The following FYB2 variants were observed in gnomAD, a reference collection of about 807,000 sequenced individuals.
FYB2 encodes FYN binding protein 2.
In FYB2, 103 loss-of-function variants were observed where a neutral mutation model predicts 94.1. The observed-to-expected ratio is 1.09, with a 90% CI of 0.93 to 1.29. FYB2 has a LOEUF of 1.29. FYB2 is among the 50% of genes most tolerant of loss of function. FYB2 has a pLI of 0.00. For synonymous variants in FYB2, 293 were observed against 287.9 expected (o/e 1.02, Z -0.18); for missense variants, 896 against 841.5 (o/e 1.06, Z -0.80).
intron 8 of FYB2, among the ~76,000 whole-genome samples, chr1:56,753,174 G>A (rs1645241306): frequency 6.6e-6 from 1 of 152,008 alleles, no homozygotes; most frequent in African/African-American, 2.4e-5. Flanking sequence ...ATCTCAAACA[G>A]GTATCTAATG....
In FYB2 at chr1:56,767,810, A is replaced by ATTGGCTATTAATTATTAT. The variant is rs1313502066; in HGVS notation, c.1063+18_1063+19insATAATAATTAATAGCCAA. The ATTGGCTATTAATTATTAT allele has an allele frequency of 1.3e-6, 2 of 1,534,392 alleles. No individual in the cohort carries two copies. The highest frequency in any genetic ancestry group is 2.3e-5 in the South Asian group (2 of 87,260). On this transcript the variant is annotated intron_variant, in intron 5 of 19. Coordinates refer to ENST00000343433, the MANE Select transcript of FYB2 (RefSeq NM_001004303.5). ...CATTCCACACAGGGTTACACTATTA[A>ATTGGCTATTAATTATTAT]TTGGCTTAGCAGACTTACGATCAGC...
At chr1:56,823,471 A>C (rs1299296875), upstream of FYB2, among the ~76,000 whole-genome samples, 3 of 152,228 alleles carry the variant, frequency 2.0e-5, no homozygotes, top group African/African-American at 4.8e-5. Flanking sequence ...GCCTAGAATT[A>C]TCTTGGAGGT....
the FYB2 span, among the ~76,000 whole-genome samples, chr1:56,826,171 G>A: frequency 2.0e-5 from 3 of 152,192 alleles, no homozygotes; most frequent in African/African-American, 7.2e-5. Context: ...AATCAATGTG[G>A]TTCCCTCATT....
chr1:56,820,840 T>C (rs1225433502), upstream of FYB2, among the ~76,000 whole-genome samples: 1 of 152,192 alleles, frequency 6.6e-6, no homozygotes, highest in Non-Finnish European at 1.5e-5. Flanking sequence ...ACACATCAGC[T>C]AAAAGAAAAA....
chr1:56,761,034 A>T (rs1349102550), intron 5 of FYB2, among the ~76,000 whole-genome samples: 1 of 152,092 alleles, frequency 6.6e-6, no homozygotes, highest in Non-Finnish European at 1.5e-5. Flanking sequence ...GATTAGTTTT[A>T]TTGTGCAGGC....
intron 4 of FYB2, among the ~76,000 whole-genome samples, chr1:56,772,659 C>T (rs1645785617): frequency 6.6e-6 from 1 of 152,120 alleles, no homozygotes; most frequent in Non-Finnish European, 1.5e-5. Flanking sequence ...AACATGGGGT[C>T]AGACAGATTT....
At chr1:56,722,561 C>T (rs1644506671) in intron 17 of FYB2, among the ~76,000 whole-genome samples, 1 of 151,988 alleles carries the variant, frequency 6.6e-6, no homozygotes, top group Admixed American at 6.6e-5. Flanking sequence ...ACGAGCTAGT[C>T]AGATACAGAA....
At chr1:56,754,971 C>A (rs1195642660) in intron 7 of FYB2, among the ~76,000 whole-genome samples, 1 of 152,016 alleles carries the variant, frequency 6.6e-6, no homozygotes, top group East Asian at 1.9e-4. Context: ...AGGAAGGTAG[C>A]CCATCCAGCT....
Position 56,792,595 on chromosome 1 carries a change from G to T in FYB2, c.218C>A (p.Pro73His). The part of the protein sequence containing the change: ...TPYCSSSESQ[P>H]LQPQKIKLAQ... ...CAACTTTATTTTCTGAGGTTGAAGA[G>T]GCTGGGACTCACTACTGGAACAGTA... The change falls in exon 2 of 20, where the codon CCT becomes CAT. Residue 73 changes from proline (P) to histidine (H), a missense_variant. By Grantham distance (77) the Pro-to-His change is moderately conservative. Transcript: ENST00000343433. 6.2e-7 allele frequency: 1 copy of T among 1,614,092 alleles called. No individual in the cohort carries two copies. Among genetic ancestry groups the T allele is most frequent in the Non-Finnish European group, 8.5e-7 (1 of 1,180,014 alleles).
intron 1 of FYB2, among the ~76,000 whole-genome samples, chr1:56,810,605 G>A (rs115587256): frequency 6.6e-6 from 1 of 152,174 alleles, no homozygotes; most frequent in Non-Finnish European, 1.5e-5. Context: ...TAAATAAAGG[G>A]CTAAGGAAAC....
rs376934495 is a variant in FYB2 at position 56,737,073 on chromosome 1, G to A, written c.1793+14C>T. 3 of 1,573,588 alleles carry A rather than the reference G, an allele frequency of 1.9e-6. No individual in the cohort carries two copies. In the African/African-American group the frequency reaches 4.1e-5, roughly 21 times the overall value. ...AAATATCAGCAGGGATGACCAATAA[G>A]GTAAATTACTTACTTTGACTCTTTT... On this transcript the variant is annotated intron_variant, in intron 15 of 19. Transcript: ENST00000343433.
At chr1:56,730,753 T>C (rs926141384) in intron 15 of FYB2, among the ~76,000 whole-genome samples, 4 of 152,062 alleles carry the variant, frequency 2.6e-5, no homozygotes, top group Non-Finnish European at 4.4e-5. Context: ...TTCCAAAACA[T>C]TGAAGCAGAA....
the FYB2 span, among the ~76,000 whole-genome samples, chr1:56,826,167 T>C: frequency 6.6e-5 from 10 of 152,212 alleles, no homozygotes; most frequent in Non-Finnish European, 1.2e-4. Flanking sequence ...CTTCAATCAA[T>C]GTGGTTCCCT....
chr1:56,748,514 T>G (rs1418322834), intron 9 of FYB2, among the ~76,000 whole-genome samples: 1 of 151,956 alleles, frequency 6.6e-6, no homozygotes, highest in Non-Finnish European at 1.5e-5. Flanking sequence ...ATCCTTTCCT[T>G]ATTGCTTGTT....
intron 15 of FYB2, among the ~76,000 whole-genome samples, chr1:56,734,674 G>T (rs1190694783): frequency 1.3e-5 from 2 of 152,030 alleles, no homozygotes. Context: ...GCGGTGAGGG[G>T]CTGGGGGAGG....
intron 1 of FYB2, among the ~76,000 whole-genome samples, chr1:56,795,569 C>A (rs1177158712): frequency 1.3e-5 from 2 of 151,708 alleles, no homozygotes; most frequent in African/African-American, 4.8e-5. Context: ...TTTTCCATAG[C>A]AACTGCACCA....
intron 15 of FYB2, among the ~76,000 whole-genome samples, chr1:56,728,809 T>G (rs1422070583): frequency 5.9e-5 from 9 of 152,170 alleles, no homozygotes. Context: ...ATTATAGACT[T>G]ATTTTTTCAT....
intron 5 of FYB2, among the ~76,000 whole-genome samples, chr1:56,763,482 T>G (rs184455875): frequency 3.3e-5 from 5 of 152,300 alleles, no homozygotes; most frequent in Admixed American, 3.3e-4. Context: ...TGTGGTAATT[T>G]GTGCTTTTTG....
At chr1:56,766,558 C>T (rs1306728379) in intron 5 of FYB2, among the ~76,000 whole-genome samples, 2 of 152,074 alleles carry the variant, frequency 1.3e-5, no homozygotes, top group African/African-American at 2.4e-5. Flanking sequence ...CTCAGCCTCC[C>T]GAGTAGCTGG....
Sources: gnomAD v4.1 joint callset for allele counts (sites outside exome capture counted in the v4.1 genomes callset) on GRCh38, gnomAD v4.1.1 for gene constraint, MANE v1.5 for transcripts, NCBI Gene and HGNC (gene_info 2026-07-23, HGNC 2026-07-21) for gene names.